ATAD3C: variants seen among roughly 807,000 people sequenced by gnomAD.
ATAD3C encodes the protein ATPase family AAA domain-containing protein 3C.
Under a neutral mutation model 46.3 loss-of-function variants are expected in ATAD3C, and 38 were observed. The ratio of observed to expected loss-of-function variants is 0.82; its 90% confidence interval spans 0.63 to 1.08. The LOEUF is 1.08. Ranked by LOEUF, ATAD3C falls within the 50% of genes least tolerant of loss-of-function variation. ATAD3C has a pLI of 0.00. For missense variants in ATAD3C, 563 were observed against 572.7 expected, an observed-to-expected ratio of 0.98 and a Z score of 0.17; for synonymous variants, 220 against 236.4, an observed-to-expected ratio of 0.93 and a Z score of 0.63.
At chr1:1,460,689 T>C (rs1294501462) in intron 9 of ATAD3C, 61 bp from the exon 10 acceptor site, 16 of 1,504,226 alleles carry the variant, frequency 1.1e-5, no homozygotes, top group Non-Finnish European at 1.3e-5. Context: ...GGAGCACCTG[T>C]TCCCCTGGGG....
At position 1,450,612 on chromosome 1, in the gene ATAD3C, T is replaced by A. The variant is rs566815034; in HGVS notation, c.-72T>A. 2,402 of 1,545,022 alleles carry A rather than the reference T, an allele frequency of 1.6e-3. 41 individuals carry two copies. Among genetic ancestry groups the A allele is most frequent in the South Asian group, 8.1e-3 (692 of 85,006 alleles). On this transcript the variant is annotated 5_prime_UTR_variant, in exon 1 of 12. Transcript: ENST00000378785. ...CGTGGATTCCAGAAAGCCCCTTGGC[T>A]GGTGTGCGTGCCTGCCCAGCGGCAT...
At chr1:1,467,453 C>T in intron 11 of ATAD3C, among the ~76,000 whole-genome samples, 1 of 152,084 alleles carries the variant, frequency 6.6e-6, no homozygotes, top group East Asian at 1.9e-4. Context: ...AGTGTCTCCC[C>T]ACACAGTGGC....
chr1:1,461,859 G>A (rs554243786), intron 10 of ATAD3C, among the ~76,000 whole-genome samples: 48 of 152,164 alleles, frequency 3.2e-4, no homozygotes, highest in Non-Finnish European at 5.0e-4. Flanking sequence ...GGTGTGGGGC[G>A]CGGCTCTTGC....
At chr1:1,455,340 C>A (rs763955619) in intron 4 of ATAD3C, 120 bp from the exon 5 acceptor site, 25 of 1,427,772 alleles carry the variant, frequency 1.8e-5, no homozygotes, top group Non-Finnish European at 2.3e-5. Context: ...CAGCTCCAGG[C>A]CGGTCCTGGC....
At chr1:1,466,506 T>C (rs1441186070) in intron 11 of ATAD3C, among the ~76,000 whole-genome samples, 1 of 134,562 alleles carries the variant, frequency 7.4e-6, no homozygotes, top group East Asian at 2.3e-4. Flanking sequence ...TGAGCCGAGA[T>C]GCCTGGGTGA....
In ATAD3C at chr1:1,470,080, A is replaced by C. The variant is rs1490415486; in HGVS notation, c.*1550A>C. 1 of 151,972 alleles carries C rather than the reference A, an allele frequency of 6.6e-6. No individual in the cohort carries two copies. The highest frequency in any genetic ancestry group is 1.5e-5 in the Non-Finnish European group (1 of 67,994). 9.4% of individuals were successfully genotyped at this position (151,972 alleles called of 1,614,324 possible). On this transcript the variant is annotated 3_prime_UTR_variant, in exon 12 of 12. Coordinates refer to ENST00000378785, the MANE Select transcript of ATAD3C (RefSeq NM_001039211.3). ...CCAAAACCTGTAAGAACTAGTGATAATCCCACCACCCTTTGCTGACTCTCT... is the reference window on the plus strand; with the variant it reads ...CCAAAACCTGTAAGAACTAGTGATACTCCCACCACCCTTTGCTGACTCTCT...
Position 1,449,949 on chromosome 1 carries a change from T to G in ATAD3C, c.-735T>G, listed in dbSNP as rs1470538251. 6 of 152,062 alleles carry G rather than the reference T, an allele frequency of 3.9e-5. No individual in the cohort carries two copies. The highest frequency in any genetic ancestry group is 1.4e-4 in the African/African-American group (6 of 41,444). The allele number at this position is 152,062 out of a possible 1,614,324, so 9.4% of individuals were successfully genotyped here. ...CTTGTCCTCGTCACCCTGAGCTTGT[T>G]GGCTGCTATCTAATTCTTATTCTTT... is the stretch of plus-strand genomic sequence containing the variant. On this transcript the variant is annotated 5_prime_UTR_variant, in exon 1 of 12. Coordinates refer to ENST00000378785, the MANE Select transcript of ATAD3C (RefSeq NM_001039211.3).
At chr1:1,468,111 C>CGGCCGTCA (rs1344450256) in intron 11 of ATAD3C, among the ~76,000 whole-genome samples, 3 of 152,046 alleles carry the variant, frequency 2.0e-5, no homozygotes, top group African/African-American at 7.2e-5. Flanking sequence ...TGCCCTGGGT[C>CGGCCGTCA]GGCCGTCAGT....
At chr1:1,457,025 C>T (rs900758021) in intron 7 of ATAD3C, 104 bp from the exon 8 acceptor site, 13 of 1,501,804 alleles carry the variant, frequency 8.7e-6, no homozygotes, top group Non-Finnish European at 1.2e-5. Context: ...GAGCCTGACC[C>T]CGTGGGGATC....
intron 11 of ATAD3C, among the ~76,000 whole-genome samples, chr1:1,464,257 A>G (rs1474408511): frequency 6.6e-6 from 1 of 151,346 alleles, no homozygotes; most frequent in African/African-American, 2.4e-5. Flanking sequence ...GCCTGCCATA[A>G]CCACTGGGGC....
chr1:1,467,150 C>G (rs568202349), intron 11 of ATAD3C, among the ~76,000 whole-genome samples: 1 of 152,156 alleles, frequency 6.6e-6, no homozygotes, highest in Admixed American at 6.6e-5. Context: ...CAGGAGGCCA[C>G]GTGACATTTA....
rs78193071 is a variant in ATAD3C, at chr1:1,459,391, A to G, written c.812+160A>G. On this transcript the variant is annotated intron_variant, in intron 9 of 11. Coordinates refer to ENST00000378785, the MANE Select transcript of ATAD3C (RefSeq NM_001039211.3). This position sits in a 1 kb window ranked among gnomAD's most constrained non-coding sequence, Gnocchi z 4.9. ...ATGTCCCCTGGGAACGGCCCAGCTC[A>G]GGACAGCACGGGGTGTCACTGAGGA... 0.15 allele frequency among the ~76,000 whole-genome samples: 22,990 copies of G among 151,670 alleles called. 4,308 individuals carry two copies. Among genetic ancestry groups the G allele is most frequent in the East Asian group, 0.46 (2,383 of 5,128 alleles).
intron 11 of ATAD3C, among the ~76,000 whole-genome samples, chr1:1,465,317 C>T (rs1348290075): frequency 1.3e-5 from 2 of 151,674 alleles, no homozygotes; most frequent in African/African-American, 2.4e-5. Context: ...GTGGGCCAGG[C>T]GCGGTGGCTC....
intron 11 of ATAD3C, among the ~76,000 whole-genome samples, chr1:1,463,629 C>G (rs776312747): frequency 6.6e-6 from 1 of 151,982 alleles, no homozygotes; most frequent in Admixed American, 6.6e-5. Flanking sequence ...AAGCAGAGGC[C>G]GGGCATGGTG....
At chr1:1,466,007 G>T (rs1256996834) in intron 11 of ATAD3C, among the ~76,000 whole-genome samples, 2 of 151,858 alleles carry the variant, frequency 1.3e-5, no homozygotes, top group African/African-American at 4.8e-5. Context: ...TCATAAAAGT[G>T]TGAGGTGGGT....
Position 1,452,035 on chromosome 1 carries a change from C to A in ATAD3C, c.76-11C>A, listed in dbSNP as rs753269251. The A allele has an allele frequency of 1.9e-6, 3 of 1,613,042 alleles. No individual in the cohort carries two copies. In the Admixed American group the frequency reaches 5.0e-5, roughly 27 times the overall value. ...TAAAGGCTTTTCTCTTTTTCTGCGG[C>A]TTCTTCTCAGCAACTTGTCAATGAG... On this transcript the variant is annotated splice_polypyrimidine_tract_variant and intron_variant, in intron 1 of 11. Coordinates refer to ENST00000378785, the MANE Select transcript of ATAD3C (RefSeq NM_001039211.3).
In ATAD3C at chr1:1,459,217, C is replaced by T. The variant is rs1204464948; in HGVS notation, c.798C>T (p.Gly266=). 4 of 1,612,492 alleles carry T rather than the reference C, an allele frequency of 2.5e-6. No individual in the cohort carries two copies. The African/African-American group carries it at 5.3e-5, about 22-fold the overall frequency. Reference sequence around the variant, plus strand: ...TGAACGCCTTCCTGTACCGCACGGGCCAGCACAGCAACAAGTGAGGGAGCC... The same window carrying T: ...TGAACGCCTTCCTGTACCGCACGGGTCAGCACAGCAACAAGTGAGGGAGCC... The part of the protein sequence containing the change: ...ATLNAFLYRT[G]QHSNKFMLIL... The change falls in exon 9 of 12, where the codon GGC becomes GGT. Residue 266 remains glycine, a synonymous_variant. Transcript: ENST00000378785. This position sits in a 1 kb window ranked among gnomAD's most constrained non-coding sequence, Gnocchi z 4.9.
rs749350021 is a variant in ATAD3C, at chr1:1,452,141, C to T, written c.152+19C>T. 55 of 1,611,798 alleles carry T rather than the reference C, an allele frequency of 3.4e-5. 2 individuals carry two copies. The highest frequency in any genetic ancestry group is 2.2e-4 in the Admixed American group (13 of 59,664). ...CCATCAGGTGAGCGCTGCCGAGGCC[C>T]GGGCCGGCCGCAGATGGAGCCCCCA... On this transcript the variant is annotated intron_variant, in intron 2 of 11. Transcript: ENST00000378785.
chr1:1,455,235 A>C (rs1414545278), intron 4 of ATAD3C, among the ~76,000 whole-genome samples: 1 of 150,588 alleles, frequency 6.6e-6, no homozygotes, highest in Non-Finnish European at 1.5e-5. Context: ...AAAAAAAAAA[A>C]AAAAAAAACC....
Sources: gnomAD v4.1 joint callset for allele counts (sites outside exome capture counted in the v4.1 genomes callset) on GRCh38, gnomAD v4.1.1 for gene constraint, Gnocchi (gnomAD v3.1) non-coding constraint, MANE v1.5 for transcripts, NCBI Gene and HGNC (gene_info 2026-07-23, HGNC 2026-07-21) for gene names.